The following PACSIN2 variants were observed in gnomAD, a reference collection of about 807,000 sequenced individuals.
PACSIN2 encodes the protein protein kinase C and casein kinase substrate in neurons 2.
In PACSIN2, 25 loss-of-function variants were observed where a neutral mutation model predicts 63.8. The ratio of observed to expected loss-of-function variants is 0.39; its 90% CI spans 0.29 to 0.55. PACSIN2 has a LOEUF of 0.55. Ranked by LOEUF, PACSIN2 falls within the 20% of genes least tolerant of loss-of-function variation. The pLI is 0.62. For missense variants in PACSIN2, 518 were observed against 646.9 expected (o/e 0.80, Z 2.16); for synonymous variants, 255 against 256.2 (o/e 1.00, Z 0.05).
At chr22:42,979,523 C>CAAAAAAA (rs768725896) in intron 1 of PACSIN2, among the ~76,000 whole-genome samples, 5 of 61,612 alleles carry the variant, frequency 8.1e-5, no homozygotes, top group African/African-American at 3.1e-4. Context: ...GACTCCCTCT[C>CAAAAAAA]AAAAAAAAAA....
chr22:42,968,336 A>C (rs991485451), intron 1 of PACSIN2, among the ~76,000 whole-genome samples: 1 of 152,146 alleles, frequency 6.6e-6, no homozygotes, highest in Non-Finnish European at 1.5e-5. Flanking sequence ...TGAAACCAGG[A>C]AGGGTATAAA....
intron 1 of PACSIN2, among the ~76,000 whole-genome samples, chr22:42,943,621 C>G (rs922427172): frequency 8.5e-5 from 13 of 152,054 alleles, no homozygotes; most frequent in African/African-American, 3.1e-4. Flanking sequence ...TTTTTTCTTT[C>G]TTTTGTTTTG....
chr22:42,914,711 C>T (rs1443992113), intron 1 of PACSIN2, among the ~76,000 whole-genome samples: 1 of 152,200 alleles, frequency 6.6e-6, no homozygotes, highest in African/African-American at 2.4e-5. Context: ...GCTGCCTGGC[C>T]AGCCATGGGA....
chr22:42,934,979 A>G (rs552110180), intron 1 of PACSIN2, among the ~76,000 whole-genome samples: 2 of 151,230 alleles, frequency 1.3e-5, no homozygotes, highest in East Asian at 2.0e-4. Context: ...GCAGTGGCGC[A>G]ATCTCGGCTC....
At chr22:42,982,883 AAAAAAAAC>A (rs1351882639) in intron 1 of PACSIN2, among the ~76,000 whole-genome samples, 12 of 137,270 alleles carry the variant, frequency 8.7e-5, no homozygotes, top group African/African-American at 3.3e-4. Flanking sequence ...AAAAAAAAAA[AAAAAAAAC>A]AACAACAAGG....
At chr22:42,901,536 T>A (rs930135805) in intron 2 of PACSIN2, among the ~76,000 whole-genome samples, 16 of 152,178 alleles carry the variant, frequency 1.1e-4, no homozygotes, top group South Asian at 4.1e-4. Flanking sequence ...TACAAGTCCC[T>A]CTCCGTATAT....
rs973525262 is a variant in PACSIN2 at position 43,009,469 on chromosome 22, C to T, written c.-78+5552G>A. ...GAGATGGAATAATCCAGTTCTTAATCTGGGTCCACGCCTATGAAGCTGTCC... is the reference window on the plus strand; with the variant it reads ...GAGATGGAATAATCCAGTTCTTAATTTGGGTCCACGCCTATGAAGCTGTCC... On this transcript the variant is annotated intron_variant, in intron 1 of 10. Coordinates refer to ENST00000263246, the MANE Select transcript of PACSIN2 (RefSeq NM_001184970.3). Among the ~76,000 whole-genome samples, 8 of 152,352 alleles carry T rather than the reference C, an allele frequency of 5.3e-5. 1 individual carries two copies. Among genetic ancestry groups the T allele is most frequent in the South Asian group, 4.1e-4 (2 of 4,832 alleles).
intron 2 of PACSIN2, among the ~76,000 whole-genome samples, chr22:42,899,295 C>CT (rs951723731): frequency 1.3e-4 from 19 of 151,810 alleles, no homozygotes; most frequent in South Asian, 2.1e-4. Context: ...TTTTCTTTTT[C>CT]TTTTTTTTTG....
At chr22:43,003,474 G>A (rs1172173450) in intron 1 of PACSIN2, among the ~76,000 whole-genome samples, 1 of 152,122 alleles carries the variant, frequency 6.6e-6, no homozygotes, top group African/African-American at 2.4e-5. Context: ...GTGGTGGCGG[G>A]CACCTGTAGT....
chr22:42,907,681 G>A (rs2017874), intron 2 of PACSIN2, among the ~76,000 whole-genome samples: 63,247 of 152,202 alleles, frequency 0.42, 13,823 homozygotes, highest in Non-Finnish European at 0.48. Flanking sequence ...ACATTCGCTC[G>A]CTTCGTGCTT....
intron 1 of PACSIN2, among the ~76,000 whole-genome samples, chr22:43,014,321 T>TACACACAC (rs139728514): frequency 1.5e-4 from 19 of 130,546 alleles, no homozygotes; most frequent in Non-Finnish European, 2.5e-4. Flanking sequence ...CCCCCCGCCC[T>TACACACAC]ACACACACAC....
At chr22:42,970,763 G>A (rs1921196148) in intron 1 of PACSIN2, among the ~76,000 whole-genome samples, 1 of 152,204 alleles carries the variant, frequency 6.6e-6, no homozygotes, top group African/African-American at 2.4e-5. Flanking sequence ...TGGAAAGGAA[G>A]GCAGGGCCCC....
At chr22:42,987,738 G>A (rs1178935925) in intron 1 of PACSIN2, among the ~76,000 whole-genome samples, 1 of 151,656 alleles carries the variant, frequency 6.6e-6, no homozygotes. Flanking sequence ...TAATCACTGT[G>A]TTAGCCAGGA....
At position 42,969,886 on chromosome 22, in the gene PACSIN2, G is replaced by T. The variant is rs138674700; in HGVS notation, c.-78+45135C>A. ...CCACTGCACTCTAGCCTGAGTGACA[G>T]GGTGAGATGCTGGCCCTTAAAAAAA... On this transcript the variant is annotated intron_variant, in intron 1 of 10. Coordinates refer to ENST00000263246, the MANE Select transcript of PACSIN2 (RefSeq NM_001184970.3). Among the ~76,000 whole-genome samples the T allele has an allele frequency of 1.3e-4, 20 of 150,432 alleles. No homozygotes were observed. The East Asian group carries it at 3.9e-3, about 29-fold the overall frequency.
At chr22:42,930,801 G>A (rs4822232) in intron 1 of PACSIN2, among the ~76,000 whole-genome samples, 1 of 152,026 alleles carries the variant, frequency 6.6e-6, no homozygotes, top group Non-Finnish European at 1.5e-5. Context: ...TTTAAATAAC[G>A]TGCCCAAGTC....
chr22:42,980,466 CCCTCT>C, intron 1 of PACSIN2, among the ~76,000 whole-genome samples: 1 of 142,454 alleles, frequency 7.0e-6, no homozygotes, highest in Non-Finnish European at 1.5e-5. Context: ...AAACAAACAA[CCCTCT>C]CCCTCTCCCT....
chr22:42,944,626 AC>A (rs1933327244), intron 1 of PACSIN2, among the ~76,000 whole-genome samples: 1 of 152,382 alleles, frequency 6.6e-6, no homozygotes, highest in East Asian at 1.9e-4. Flanking sequence ...AATATTTATA[AC>A]AGCAAAAATT....
At chr22:42,968,357 A>C (rs1406604357) in intron 1 of PACSIN2, among the ~76,000 whole-genome samples, 1 of 152,206 alleles carries the variant, frequency 6.6e-6, no homozygotes, top group East Asian at 1.9e-4. Flanking sequence ...TATGTAAGAA[A>C]ATGAAATCGT....
At chr22:42,930,021 G>A (rs1357992507) in intron 1 of PACSIN2, among the ~76,000 whole-genome samples, 1 of 152,172 alleles carries the variant, frequency 6.6e-6, no homozygotes, top group Non-Finnish European at 1.5e-5. Context: ...TTGAGGGCAG[G>A]AACCACATGG....
Sources: allele counts gnomAD v4.1 joint callset (sites outside exome capture counted in the v4.1 genomes callset), GRCh38; gene constraint gnomAD v4.1.1; transcripts MANE v1.5; gene names NCBI Gene and HGNC (gene_info 2026-07-23, HGNC 2026-07-21).